Variants in PHF14 observed in about 807,000 individuals in gnomAD.
The protein encoded by PHF14 is PHD finger protein 14.
PHF14 carries 55 observed loss-of-function variants against 117.9 expected under a neutral mutation model. That is an observed-to-expected ratio of 0.47 (90% CI 0.38 to 0.58). The LOEUF is 0.58. PHF14 is among the 20% of genes least tolerant of loss of function. PHF14 has a pLI of 0.00. For missense variants in PHF14, 978 were observed against 1,122.2 expected (o/e 0.87, Z 1.84); for synonymous variants, 409 against 368.6 (o/e 1.11, Z -1.26).
At chr7:11,056,476 G>C (rs1785024133) in intron 14 of PHF14, among the ~76,000 whole-genome samples, 1 of 151,848 alleles carries the variant, frequency 6.6e-6, no homozygotes, top group Non-Finnish European at 1.5e-5. Flanking sequence ...TCATAACCCT[G>C]TTAACATAAG....
At chr7:10,993,784 G>A (rs145254835) in intron 4 of PHF14, among the ~76,000 whole-genome samples, 205 of 151,112 alleles carry the variant, frequency 1.4e-3, no homozygotes, top group African/African-American at 4.4e-3. Flanking sequence ...CAAGGCAAGC[G>A]GATCACCTGA....
intron 4 of PHF14, among the ~76,000 whole-genome samples, chr7:10,991,761 T>TA (rs1399166737): frequency 7.0e-6 from 1 of 143,084 alleles, no homozygotes; most frequent in Non-Finnish European, 1.5e-5. Flanking sequence ...ATTTTTTAAT[T>TA]TTTTTTTTTT....
intron 17 of PHF14, among the ~76,000 whole-genome samples, chr7:11,144,016 C>T (rs1788472657): frequency 1.3e-5 from 2 of 151,990 alleles, no homozygotes; most frequent in Admixed American, 1.3e-4. Flanking sequence ...GGAACTCTAA[C>T]AACTCAACAG....
chr7:11,161,038 T>C (rs1010663178), intron 17 of PHF14, among the ~76,000 whole-genome samples: 3 of 152,214 alleles, frequency 2.0e-5, no homozygotes, highest in South Asian at 2.1e-4. Flanking sequence ...AAGATTCTTA[T>C]AGTTTGAGGT....
intron 11 of PHF14, among the ~76,000 whole-genome samples, chr7:11,040,216 C>A (rs1349714596): frequency 6.6e-6 from 1 of 151,910 alleles, no homozygotes; most frequent in Non-Finnish European, 1.5e-5. Flanking sequence ...CAGCATACTA[C>A]AGATTAGTAG....
At chr7:11,164,356 C>T (rs1789139147) in intron 17 of PHF14, among the ~76,000 whole-genome samples, 1 of 152,046 alleles carries the variant, frequency 6.6e-6, no homozygotes, top group African/African-American at 2.4e-5. Flanking sequence ...AATCTATGCT[C>T]ACAGTGGGAA....
intron 4 of PHF14, among the ~76,000 whole-genome samples, chr7:10,998,368 A>G (rs1782737991): frequency 6.6e-6 from 1 of 152,194 alleles, no homozygotes; most frequent in South Asian, 2.1e-4. Flanking sequence ...GCAGAGTTGT[A>G]TAAATTTATT....
chr7:10,991,553 G>A (rs1370614693), intron 4 of PHF14, among the ~76,000 whole-genome samples: 11 of 151,330 alleles, frequency 7.3e-5, no homozygotes, highest in African/African-American at 1.7e-4. Flanking sequence ...TAAGTGATCC[G>A]CCTGCCTCAG....
intron 4 of PHF14, among the ~76,000 whole-genome samples, chr7:11,009,798 A>T (rs1306260991): frequency 1.3e-5 from 2 of 152,212 alleles, no homozygotes; most frequent in Non-Finnish European, 2.9e-5. Flanking sequence ...ATACATACAG[A>T]CTTGCTGGTT....
At chr7:11,156,261 AT>A (rs1226346816) in intron 17 of PHF14, among the ~76,000 whole-genome samples, 2 of 152,314 alleles carry the variant, frequency 1.3e-5, no homozygotes, top group East Asian at 1.9e-4. Flanking sequence ...CTACTGAGGA[AT>A]TTTTTTGTGT....
intron 14 of PHF14, among the ~76,000 whole-genome samples, chr7:11,060,336 G>T (rs915972159): frequency 2.6e-5 from 4 of 152,146 alleles, no homozygotes; most frequent in Non-Finnish European, 2.9e-5. Context: ...ATATGATATG[G>T]TCCTTACCAA....
intron 11 of PHF14, among the ~76,000 whole-genome samples, chr7:11,040,462 T>C (rs1784465008): frequency 6.6e-6 from 1 of 152,006 alleles, no homozygotes; most frequent in Non-Finnish European, 1.5e-5. Context: ...CCACTGAAAA[T>C]TGATGAAAGT....
At chr7:11,051,502 A>G (rs1450774285) in intron 13 of PHF14, 110 bp from the exon 14 acceptor site, 6 of 817,430 alleles carry the variant, frequency 7.3e-6, no homozygotes, top group Non-Finnish European at 7.5e-6. Context: ...TTACCTGTGT[A>G]TATTTTTATA....
chr7:10,993,548 T>G (rs758304364), intron 4 of PHF14, among the ~76,000 whole-genome samples: 126 of 152,252 alleles, frequency 8.3e-4, no homozygotes, highest in Non-Finnish European at 1.5e-3. Context: ...ATGTACACAT[T>G]GTTGACCTGG....
chr7:11,086,386 A>G (rs1583452142), intron 16 of PHF14, among the ~76,000 whole-genome samples: 1 of 152,212 alleles, frequency 6.6e-6, no homozygotes, highest in African/African-American at 2.4e-5. Context: ...TTCTAAAACT[A>G]ACCTGTTGCT....
rs138307196 is a variant in PHF14 at position 11,158,245 on chromosome 7, T to C, written c.2773-11171T>C. Among the ~76,000 whole-genome samples the C allele has an allele frequency of 4.0e-3, 613 of 152,242 alleles. 5 individuals carry two copies. The highest frequency in any genetic ancestry group is 0.014 in the African/African-American group (577 of 41,562). On this transcript the variant is annotated intron_variant, in intron 17 of 17. Coordinates refer to ENST00000634607, the MANE Select transcript of PHF14 (RefSeq NM_001007157.2). ...CTTCCAGTCTGTGGCAATTCTTTAC[T>C]TTTTCCTTGCCTTTCATGATCTTTT...
chr7:11,091,195 A>G (rs748395868), intron 16 of PHF14, among the ~76,000 whole-genome samples: 1 of 152,198 alleles, frequency 6.6e-6, no homozygotes, highest in East Asian at 1.9e-4. Flanking sequence ...AAAGGATTAG[A>G]AAGATCTCGG....
intron 3 of PHF14, among the ~76,000 whole-genome samples, chr7:10,988,010 CCTT>C (rs1782284785): frequency 9.4e-6 from 1 of 106,256 alleles, no homozygotes; most frequent in South Asian, 2.8e-4. Context: ...GAGCGAAACT[CCTT>C]CTCAAAAAAA....
At chr7:11,089,134 C>G (rs1456734627) in intron 16 of PHF14, among the ~76,000 whole-genome samples, 1 of 151,236 alleles carries the variant, frequency 6.6e-6, no homozygotes, top group African/African-American at 2.4e-5. Context: ...TTAACCGCAG[C>G]AAATAAAAAC....
Sources: allele counts gnomAD v4.1 joint callset (sites outside exome capture counted in the v4.1 genomes callset), GRCh38; gene constraint gnomAD v4.1.1; transcripts MANE v1.5; gene names NCBI Gene and HGNC (gene_info 2026-07-23, HGNC 2026-07-21).